Variants in METTL15 observed in about 807,000 individuals in gnomAD.
METTL15 encodes 12S rRNA N(4)-cytidine methyltransferase METTL15.
METTL15 carries 34 observed loss-of-function variants against 38.3 expected under a neutral mutation model. The observed-to-expected ratio is 0.89, with a 90% CI of 0.68 to 1.18. The LOEUF is 1.18. METTL15 is among the 50% of genes most tolerant of loss of function. The pLI, the probability that METTL15 is intolerant of heterozygous loss-of-function variation, is 0.00. For synonymous variants in METTL15, 162 were observed against 170.9 expected, an observed-to-expected ratio of 0.95 and a Z score of 0.41; for missense variants, 438 against 498.4, an observed-to-expected ratio of 0.88 and a Z score of 1.15.
intron 6 of METTL15, among the ~76,000 whole-genome samples, chr11:28,523,798 C>T (rs1051936161): frequency 6.6e-6 from 1 of 152,156 alleles, no homozygotes; most frequent in East Asian, 1.9e-4. Flanking sequence ...ACTATGATAA[C>T]TTGAAGGCAG....
chr11:28,286,954 C>T (rs1389771245), intron 4 of METTL15, among the ~76,000 whole-genome samples: 1 of 150,266 alleles, frequency 6.7e-6, no homozygotes, highest in Non-Finnish European at 1.5e-5. Flanking sequence ...TACATGTATT[C>T]TCCACACTAT....
intron 6 of METTL15, among the ~76,000 whole-genome samples, chr11:28,453,729 G>A (rs1208840183): frequency 6.6e-6 from 1 of 152,072 alleles, no homozygotes; most frequent in East Asian, 1.9e-4. Context: ...AATGGTTTTT[G>A]GTCAAAATTC....
At chr11:28,191,989 C>A (rs1252162480) in intron 3 of METTL15, among the ~76,000 whole-genome samples, 1 of 151,512 alleles carries the variant, frequency 6.6e-6, no homozygotes, top group East Asian at 1.9e-4. Context: ...TATTTAAAGC[C>A]TTTTTAAAAT....
intron 3 of METTL15, among the ~76,000 whole-genome samples, chr11:28,199,945 T>C (rs535704560): frequency 2.0e-5 from 3 of 152,164 alleles, no homozygotes; most frequent in Non-Finnish European, 2.9e-5. Context: ...GGTTTCACCA[T>C]GTTGGTCAGG....
At chr11:28,366,469 A>T (rs1850187030) in intron 5 of METTL15, among the ~76,000 whole-genome samples, 2 of 146,972 alleles carry the variant, frequency 1.4e-5, no homozygotes, top group African/African-American at 4.9e-5. Context: ...AAAGAAGCAG[A>T]TTACAGCTCA....
intron 6 of METTL15, among the ~76,000 whole-genome samples, chr11:28,433,167 T>G (rs1225532455): frequency 2.6e-5 from 3 of 113,902 alleles, no homozygotes; most frequent in Non-Finnish European, 6.8e-5. Context: ...TGTTTTGTTT[T>G]TTTTGTTTTT....
intron 5 of METTL15, among the ~76,000 whole-genome samples, chr11:28,403,131 G>T (rs952730054): frequency 3.9e-5 from 6 of 151,954 alleles, no homozygotes; most frequent in African/African-American, 1.4e-4. Flanking sequence ...TCTGACAGCA[G>T]ATGTATGGGG....
At chr11:28,178,875 C>G (rs966545852) in intron 3 of METTL15, among the ~76,000 whole-genome samples, 1 of 151,528 alleles carries the variant, frequency 6.6e-6, no homozygotes, top group African/African-American at 2.4e-5. Context: ...TTTTATGAAC[C>G]AATTTGGTGA....
chr11:28,188,795 G>A (rs1187841987), intron 3 of METTL15, among the ~76,000 whole-genome samples: 1 of 151,090 alleles, frequency 6.6e-6, no homozygotes, highest in Non-Finnish European at 1.5e-5. Context: ...TATAAGTATA[G>A]GTGCCAGTTC....
chr11:28,206,424 A>G (rs1852347193), intron 3 of METTL15, among the ~76,000 whole-genome samples: 2 of 151,662 alleles, frequency 1.3e-5, no homozygotes, highest in South Asian at 4.2e-4. Flanking sequence ...TTGTAGATGT[A>G]TGGTATTATT....
intron 4 of METTL15, among the ~76,000 whole-genome samples, chr11:28,242,234 TAA>T (rs1854331286): frequency 6.6e-6 from 1 of 152,232 alleles, no homozygotes; most frequent in Admixed American, 6.5e-5. Flanking sequence ...TCATTCATGT[TAA>T]AATTCTTCTG....
chr11:28,117,561 C>T (rs1852030133), intron 3 of METTL15, among the ~76,000 whole-genome samples: 1 of 152,124 alleles, frequency 6.6e-6, no homozygotes, highest in African/African-American at 2.4e-5. Flanking sequence ...TTGACCTACA[C>T]TGCTGTTTCA....
At chr11:28,512,614 C>T (rs112328278) in intron 6 of METTL15, among the ~76,000 whole-genome samples, 53 of 152,326 alleles carry the variant, frequency 3.5e-4, no homozygotes, top group African/African-American at 1.2e-3. Context: ...CAGGGCTGGC[C>T]GGCCACTCTG....
At chr11:28,311,284 A>G (rs115479973) in intron 6 of METTL15, among the ~76,000 whole-genome samples, 22 of 152,272 alleles carry the variant, frequency 1.4e-4, no homozygotes, top group African/African-American at 3.1e-4. Context: ...GTAATTATCA[A>G]TTTTGGAAAT....
chr11:28,480,295 A>G (rs1270758291), intron 6 of METTL15, among the ~76,000 whole-genome samples: 1 of 152,178 alleles, frequency 6.6e-6, no homozygotes, highest in Non-Finnish European at 1.5e-5. Flanking sequence ...GACTGATTTT[A>G]AGCTACCAAC....
At chr11:28,139,289 G>A (rs1347141621) in intron 3 of METTL15, among the ~76,000 whole-genome samples, 1 of 152,126 alleles carries the variant, frequency 6.6e-6, no homozygotes, top group Non-Finnish European at 1.5e-5. Context: ...GATTCAGGAG[G>A]CATTTGAGAG....
downstream of METTL15, among the ~76,000 whole-genome samples, chr11:28,336,686 A>G (rs1849903726): frequency 6.6e-6 from 1 of 152,204 alleles, no homozygotes. Context: ...TAACCATTGT[A>G]ACATCACAGG....
rs28811637 is a variant in METTL15, at chr11:28,391,271, G to A, written c.*358+29235G>A. ...GCCAGAACTTCCCACACTATATTGA[G>A]TAGGAGTGGTGAGAGAGGGCATCCG... On this transcript the variant is annotated intron_variant and NMD_transcript_variant, in intron 5 of 7. Transcript: ENST00000532947. Among the ~76,000 whole-genome samples the A allele has an allele frequency of 3.3e-5, 5 of 152,122 alleles. No homozygotes were observed. In the East Asian group the frequency reaches 9.7e-4, roughly 30 times the overall value.
chr11:28,509,069 C>T (rs1158122322), intron 6 of METTL15, among the ~76,000 whole-genome samples: 1 of 152,088 alleles, frequency 6.6e-6, no homozygotes, highest in Non-Finnish European at 1.5e-5. Flanking sequence ...TTTTCATTGA[C>T]GATAATGTTA....
Sources: allele counts gnomAD v4.1 joint callset (sites outside exome capture counted in the v4.1 genomes callset), GRCh38; gene constraint gnomAD v4.1.1; transcripts MANE v1.5; gene names NCBI Gene and HGNC (gene_info 2026-07-23, HGNC 2026-07-21).